The following FRMD6 variants were observed in gnomAD, a reference collection of about 807,000 sequenced individuals.
FRMD6 encodes the protein FERM domain-containing protein 6.
In FRMD6, 37 loss-of-function variants were observed where a neutral mutation model predicts 73.2. The ratio of observed to expected loss-of-function variants is 0.51; its 90% CI spans 0.39 to 0.66. FRMD6 has a LOEUF of 0.66. Among genes scored for constraint, FRMD6 ranks in the 30% least tolerant of loss-of-function variants. FRMD6 has a pLI of 0.00. For synonymous variants in FRMD6, 273 were observed against 282.2 expected, an observed-to-expected ratio of 0.97 and a Z score of 0.33; for missense variants, 714 against 780.5, an observed-to-expected ratio of 0.91 and a Z score of 1.02.
intron 1 of FRMD6, among the ~76,000 whole-genome samples, chr14:51,533,073 C>T (rs960691788): frequency 6.6e-6 from 1 of 152,216 alleles, no homozygotes. Context: ...TCTGCCTCCT[C>T]CATGTCTTGC....
chr14:51,452,368 C>A, the FRMD6 span, among the ~76,000 whole-genome samples: 1 of 152,208 alleles, frequency 6.6e-6, no homozygotes, highest in African/African-American at 2.4e-5. Flanking sequence ...CCCACATCCT[C>A]AGAAGCCCTT....
At chr14:51,638,957 G>A (rs1465834300) in intron 2 of FRMD6, among the ~76,000 whole-genome samples, 1 of 150,356 alleles carries the variant, frequency 6.7e-6, no homozygotes, top group Non-Finnish European at 1.5e-5. Context: ...TTTGAGCAGG[G>A]ACATATCTTG....
chr14:51,529,266 TCTTAA>T (rs888641798), intron 1 of FRMD6, among the ~76,000 whole-genome samples: 9 of 152,260 alleles, frequency 5.9e-5, no homozygotes, highest in African/African-American at 2.2e-4. Context: ...TGGGCCAGTT[TCTTAA>T]CTTTTCTGTG....
intron 2 of FRMD6, chr14:51,575,719 A>G (rs181476126): frequency 5.3e-5 from 8 of 152,240 alleles, no homozygotes; most frequent in East Asian, 1.9e-4. Context: ...GCTGTATTTG[A>G]GAATGCACTG....
chr14:51,461,954 C>G, the FRMD6 span, among the ~76,000 whole-genome samples: 152 of 151,982 alleles, frequency 1.0e-3, no homozygotes, highest in Non-Finnish European at 1.7e-3. Flanking sequence ...AGCAGGCACT[C>G]AATAAATGTT....
At chr14:51,519,005 G>A (rs1198750694) in intron 1 of FRMD6, among the ~76,000 whole-genome samples, 1 of 152,196 alleles carries the variant, frequency 6.6e-6, no homozygotes, top group Non-Finnish European at 1.5e-5. Context: ...ACTGAGTGCA[G>A]TAGGAAATGA....
At chr14:51,399,669 T>C in the FRMD6 span, among the ~76,000 whole-genome samples, 4 of 152,198 alleles carry the variant, frequency 2.6e-5, no homozygotes, top group Admixed American at 1.3e-4. Flanking sequence ...AGTTAAATTA[T>C]TGATACATAA....
intron 1 of FRMD6, among the ~76,000 whole-genome samples, chr14:51,519,112 A>C (rs1307862767): frequency 6.6e-6 from 1 of 152,086 alleles, no homozygotes. Context: ...CATTTCTAAC[A>C]CAGTGCTTGG....
the FRMD6 span, among the ~76,000 whole-genome samples, chr14:51,445,758 C>A: frequency 5.2e-4 from 79 of 152,312 alleles, no homozygotes; most frequent in African/African-American, 1.8e-3. Context: ...ACAGAGAAGG[C>A]TCTGTAAATG....
At chr14:51,613,028 G>A (rs1418570698) in intron 2 of FRMD6, among the ~76,000 whole-genome samples, 15 of 152,162 alleles carry the variant, frequency 9.9e-5, no homozygotes, top group Admixed American at 3.3e-4. Context: ...AAAGAAAACC[G>A]TGGTGTGACT....
At chr14:51,651,679 C>G (rs1892393967), upstream of FRMD6, 1 of 151,838 alleles carries the variant, frequency 6.6e-6, no homozygotes, top group Non-Finnish European at 1.5e-5. Context: ...GGCCGCACCC[C>G]TCCGCGGGAC....
chr14:51,654,696 T>A (rs1892699321), intron 1 of FRMD6, among the ~76,000 whole-genome samples: 1 of 152,186 alleles, frequency 6.6e-6, no homozygotes, highest in Admixed American at 6.5e-5. Context: ...ATTTTAGATT[T>A]GGATGATCTC....
chr14:51,648,661 TCTCTACCATAG>T (rs1808340617), upstream of FRMD6, among the ~76,000 whole-genome samples: 1 of 152,210 alleles, frequency 6.6e-6, no homozygotes, highest in South Asian at 2.1e-4. Flanking sequence ...TTCCTGCGTA[TCTCTACCATAG>T]CATGAACTAA....
the FRMD6 span, among the ~76,000 whole-genome samples, chr14:51,432,506 A>G: frequency 6.6e-6 from 1 of 152,174 alleles, no homozygotes; most frequent in Non-Finnish European, 1.5e-5. Context: ...GAGTTGATTG[A>G]CTTTTCCCAG....
upstream of FRMD6, among the ~76,000 whole-genome samples, chr14:51,486,193 C>T (rs1882758125): frequency 6.6e-6 from 1 of 152,072 alleles, no homozygotes; most frequent in African/African-American, 2.4e-5. Flanking sequence ...CGCCACCATG[C>T]CCGGCTAATT....
At chr14:51,522,780 G>A (rs988183897) in intron 1 of FRMD6, 1 of 152,174 alleles carries the variant, frequency 6.6e-6, no homozygotes, top group Non-Finnish European at 1.5e-5. Flanking sequence ...AGAGGAGTCA[G>A]ACCTAAAAGA....
At chr14:51,576,611 A>C (rs1888418657) in intron 2 of FRMD6, among the ~76,000 whole-genome samples, 1 of 151,938 alleles carries the variant, frequency 6.6e-6, no homozygotes, top group Admixed American at 6.6e-5. Flanking sequence ...ACTCCCCTGC[A>C]CCCCTAAGCT....
At chr14:51,605,158 T>TTA (rs1555326730) in intron 2 of FRMD6, among the ~76,000 whole-genome samples, 3 of 134,098 alleles carry the variant, frequency 2.2e-5, no homozygotes, top group African/African-American at 8.6e-5. Context: ...TTTTTTTTTT[T>TTA]ATTGATCATT....
At chr14:51,440,825 C>G in the FRMD6 span, among the ~76,000 whole-genome samples, 1 of 152,216 alleles carries the variant, frequency 6.6e-6, no homozygotes, top group South Asian at 2.1e-4. Context: ...CCTAACAACT[C>G]AATCAAGAAG....
Sources: allele counts gnomAD v4.1 joint callset (sites outside exome capture counted in the v4.1 genomes callset), GRCh38; gene constraint gnomAD v4.1.1; transcripts MANE v1.5; gene names NCBI Gene and HGNC (gene_info 2026-07-23, HGNC 2026-07-21).